The following CGNL1 variants were observed in gnomAD, a reference collection of about 807,000 sequenced individuals.
CGNL1 encodes cingulin-like protein 1.
Under a neutral mutation model 141.2 loss-of-function variants are expected in CGNL1, and 132 were observed. The observed-to-expected ratio is 0.93, with a 90% confidence interval of 0.81 to 1.08. CGNL1 has a LOEUF of 1.08. CGNL1 is among the 50% of genes least tolerant of loss of function. The pLI, the probability that CGNL1 is intolerant of heterozygous loss-of-function variation, is 0.00. For synonymous variants in CGNL1, 690 were observed against 622.1 expected (o/e 1.11, Z -1.63); for missense variants, 1,870 against 1,588.6 (o/e 1.18, Z -3.01).
At chr15:57,536,845 C>T (rs2032286746) in intron 14 of CGNL1, among the ~76,000 whole-genome samples, 1 of 152,146 alleles carries the variant, frequency 6.6e-6, no homozygotes, top group Non-Finnish European at 1.5e-5. Flanking sequence ...GACTCCAAAG[C>T]CTCTTGCCTA....
intron 10 of CGNL1, among the ~76,000 whole-genome samples, chr15:57,521,246 G>A (rs2031235936): frequency 6.6e-6 from 1 of 152,148 alleles, no homozygotes; most frequent in South Asian, 2.1e-4. Flanking sequence ...GAATTATGGA[G>A]GAGGAAGACC....
intron 8 of CGNL1, among the ~76,000 whole-genome samples, chr15:57,468,786 G>C (rs1025926668): frequency 6.6e-6 from 1 of 152,144 alleles, no homozygotes; most frequent in Non-Finnish European, 1.5e-5. Context: ...GGAGGGACTG[G>C]TGGGAGATAA....
At chr15:57,535,689 T>C (rs1690315) in intron 14 of CGNL1, among the ~76,000 whole-genome samples, 6,707 of 152,282 alleles carry the variant, frequency 0.044, 497 homozygotes, top group African/African-American at 0.15. Flanking sequence ...GGGTGTTGAA[T>C]GGCTCTATTG....
chr15:57,410,475 C>G (rs2062774026), intron 1 of CGNL1, among the ~76,000 whole-genome samples: 4 of 152,130 alleles, frequency 2.6e-5, no homozygotes, highest in Non-Finnish European at 1.5e-5. Context: ...CTCCTCTCTT[C>G]TATTCCATGT....
intron 12 of CGNL1, among the ~76,000 whole-genome samples, chr15:57,526,595 T>G (rs967904976): frequency 1.3e-5 from 2 of 152,142 alleles, no homozygotes; most frequent in Admixed American, 6.5e-5. Context: ...GCATGATCTT[T>G]AGAGAATCGA....
intron 12 of CGNL1, among the ~76,000 whole-genome samples, chr15:57,526,651 A>G (rs1436380948): frequency 6.8e-6 from 1 of 147,970 alleles, no homozygotes; most frequent in Non-Finnish European, 1.5e-5. Flanking sequence ...CATCTCTTTT[A>G]GCAAAGGGTG....
At chr15:57,378,822 C>A (rs2062395083) in intron 1 of CGNL1, among the ~76,000 whole-genome samples, 1 of 152,118 alleles carries the variant, frequency 6.6e-6, no homozygotes, top group Non-Finnish European at 1.5e-5. Flanking sequence ...ATAATTTTGC[C>A]CACTTGGTTT....
chr15:57,512,189 A>C (rs1196927588), intron 8 of CGNL1, among the ~76,000 whole-genome samples: 1 of 152,236 alleles, frequency 6.6e-6, no homozygotes, highest in Non-Finnish European at 1.5e-5. Context: ...AGAACTTTGA[A>C]GGTCCTCTCT....
intron 8 of CGNL1, among the ~76,000 whole-genome samples, chr15:57,499,657 A>G (rs1448680475): frequency 6.6e-6 from 1 of 152,194 alleles, no homozygotes; most frequent in Non-Finnish European, 1.5e-5. Context: ...CCGGGCCGCA[A>G]ATCTTTTTTC....
chr15:57,492,053 A>C (rs1240759221), intron 8 of CGNL1, among the ~76,000 whole-genome samples: 1 of 152,196 alleles, frequency 6.6e-6, no homozygotes, highest in Admixed American at 6.5e-5. Context: ...AAAACTAAGG[A>C]AAGCTCACTT....
intron 7 of CGNL1, among the ~76,000 whole-genome samples, chr15:57,458,955 G>A (rs886991392): frequency 2.6e-5 from 4 of 152,122 alleles, no homozygotes; most frequent in African/African-American, 9.7e-5. Flanking sequence ...CCCCACCCTG[G>A]GATTGTAGCG....
intron 8 of CGNL1, among the ~76,000 whole-genome samples, chr15:57,475,492 G>GGTGTGTGTGTGT (rs72168222): frequency 3.4e-4 from 50 of 147,916 alleles, no homozygotes; most frequent in African/African-American, 1.2e-3. Flanking sequence ...ATACAAGTGT[G>GGTGTGTGTGTGT]GTGTGTGTGT....
In CGNL1 at chr15:57,547,210, G is replaced by A. The variant is rs911804011; in HGVS notation, c.3774-145G>A. The A allele has an allele frequency of 4.5e-6, 4 of 897,292 alleles. No individual in the cohort carries two copies. In the East Asian group the frequency reaches 7.4e-5, roughly 17 times the overall value. The allele number at this position is 897,292 out of a possible 1,614,324, so 55.6% of individuals were successfully genotyped here. The stretch of plus-strand genomic sequence containing the variant: ...TCCCTGTGGCTGAAGGGGCCATCAG[G>A]TGGAGACCTGTTACATTCATGTGTT... On this transcript the variant is annotated intron_variant, in intron 18 of 18. Transcript: ENST00000281282.
Position 57,452,556 on chromosome 15 carries a change from G to T in CGNL1, c.2054+267G>T, listed in dbSNP as rs139116308. On this transcript the variant is annotated intron_variant, in intron 6 of 18. Transcript: ENST00000281282. ...AGTCCTTAAAGTGGACCTCCTAGCA[G>T]GTAAGTGGGAAGCAGGGAGCACTGA... Among the ~76,000 whole-genome samples, 8 of 152,296 alleles carry T rather than the reference G, an allele frequency of 5.3e-5. No individual in the cohort carries two copies. The East Asian group carries it at 1.2e-3, about 22-fold the overall frequency.
At chr15:57,379,987 C>T (rs2152211408) in intron 1 of CGNL1, among the ~76,000 whole-genome samples, 1 of 152,286 alleles carries the variant, frequency 6.6e-6, no homozygotes, top group Non-Finnish European at 1.5e-5. Flanking sequence ...TCCCTCAAGC[C>T]AATATCCTTG....
intron 1 of CGNL1, among the ~76,000 whole-genome samples, chr15:57,399,369 A>G (rs1209465007): frequency 6.6e-6 from 1 of 152,104 alleles, no homozygotes; most frequent in Non-Finnish European, 1.5e-5. Context: ...CTTCTTCAAT[A>G]TTTAATTTAA....
rs375942977 is a variant in CGNL1 at position 57,488,121 on chromosome 15, G to A, written c.2403+26229G>A. ...CGTGGGTGTGAAATGGTATTTCATC[G>A]TGGCTTTGATTTGCATTTCTCTGAT... is the stretch of plus-strand genomic sequence containing the variant. On this transcript the variant is annotated intron_variant, in intron 8 of 18. Coordinates refer to ENST00000281282, the MANE Select transcript of CGNL1 (RefSeq NM_032866.5). 1.6e-3 allele frequency among the ~76,000 whole-genome samples: 251 copies of A among 152,126 alleles called. 1 individual carries two copies. The highest frequency in any genetic ancestry group is 5.5e-3 in the African/African-American group (230 of 41,504).
intron 4 of CGNL1, among the ~76,000 whole-genome samples, chr15:57,451,218 T>C (rs1198345323): frequency 6.6e-6 from 1 of 152,222 alleles, no homozygotes; most frequent in African/African-American, 2.4e-5. Context: ...TATGCAAGTT[T>C]TAGTCATATT....
chr15:57,378,420 C>T (rs1664473), intron 1 of CGNL1, among the ~76,000 whole-genome samples: 72,909 of 129,424 alleles, frequency 0.56, 21,353 homozygotes, highest in Middle Eastern at 0.65. Context: ...TTGCTCTTGT[C>T]GCCCAGGCTG....
Sources: allele counts gnomAD v4.1 joint callset (sites outside exome capture counted in the v4.1 genomes callset), GRCh38; gene constraint gnomAD v4.1.1; transcripts MANE v1.5; gene names NCBI Gene and HGNC (gene_info 2026-07-23, HGNC 2026-07-21).